The following EPB41L5 variants were observed in gnomAD, a reference collection of about 807,000 sequenced individuals.
EPB41L5 encodes band 4.1-like protein 5.
EPB41L5 carries 55 observed loss-of-function variants against 106.6 expected under a neutral mutation model. That is an observed-to-expected ratio of 0.52 (90% CI 0.42 to 0.65). The LOEUF (loss-of-function observed/expected upper bound fraction) is 0.65, where lower values mean the gene tolerates loss of function less well. EPB41L5 is among the 30% of genes least tolerant of loss of function. The pLI, the probability that EPB41L5 is intolerant of heterozygous loss-of-function variation, is 0.00. For missense variants in EPB41L5, 871 were observed against 882.1 expected (o/e 0.99, Z 0.16); for synonymous variants, 297 against 306.7 (o/e 0.97, Z 0.33).
intron 3 of EPB41L5, among the ~76,000 whole-genome samples, chr2:120,069,298 T>C (rs1269721793): frequency 2.6e-5 from 4 of 151,608 alleles, no homozygotes; most frequent in Non-Finnish European, 4.4e-5. Flanking sequence ...GCACCCAAAA[T>C]AGGAGCACCC....
Position 120,169,043 on chromosome 2 carries a change from C to CT in EPB41L5, c.2135+1039dup, listed in dbSNP as rs1687546054. Among the ~76,000 whole-genome samples the CT allele has an allele frequency of 3.3e-5, 5 of 152,100 alleles. No homozygotes were observed. In the South Asian group the frequency reaches 1.0e-3, roughly 32 times the overall value. ...ACAATAAAATGTGAGCTCTTAAGGA[C>CT]TTTCACATTAAAAATTACAGATGAA... On this transcript the variant is annotated intron_variant, in intron 24 of 24. Coordinates refer to ENST00000263713, the MANE Select transcript of EPB41L5 (RefSeq NM_020909.4).
At chr2:120,153,007 A>G (rs760246751) in intron 20 of EPB41L5, among the ~76,000 whole-genome samples, 4 of 152,032 alleles carry the variant, frequency 2.6e-5, no homozygotes, top group South Asian at 2.1e-4. Context: ...ATATTTGTCA[A>G]TCTTGTTGAT....
At chr2:120,123,083 A>G (rs1409418077) in intron 16 of EPB41L5, among the ~76,000 whole-genome samples, 2 of 152,026 alleles carry the variant, frequency 1.3e-5, no homozygotes, top group Admixed American at 6.6e-5. Context: ...TGAGCCCAGG[A>G]TATGGTGGTC....
At position 120,151,480 on chromosome 2, in the gene EPB41L5, A is replaced by G. The variant is rs565238284; in HGVS notation, c.1793+5191A>G. 2.0e-5 allele frequency among the ~76,000 whole-genome samples: 3 copies of G among 152,292 alleles called. No individual in the cohort carries two copies. In the South Asian group the frequency reaches 6.2e-4, roughly 32 times the overall value. ...AACAGCATAAAAGATTTAAAAACCTAGGAAACAATTTAACCAAGGAGGCAA... is the reference window on the plus strand; with the variant it reads ...AACAGCATAAAAGATTTAAAAACCTGGGAAACAATTTAACCAAGGAGGCAA... On this transcript the variant is annotated intron_variant, in intron 20 of 24. Coordinates refer to ENST00000263713, the MANE Select transcript of EPB41L5 (RefSeq NM_020909.4).
chr2:120,146,277 C>T lies in EPB41L5; in HGVS notation c.1781C>T (p.Ala594Val), dbSNP rs1686399816. Residue 594 changes from alanine to valine, a missense_variant, in exon 20 of 25, where the codon GCT becomes GTT. Coordinates refer to ENST00000263713, the MANE Select transcript of EPB41L5 (RefSeq NM_020909.4). ...CATAAAAATGCCAATGTTCAGGATG[C>T]TGCCACAAACAGGTACAGTTCTGGG... ...LSHKNANVQD[A>V]ATNSAVLNEN... 1.2e-6 allele frequency: 2 copies of T among 1,608,290 alleles called. No homozygotes were observed. Among genetic ancestry groups the T allele is most frequent in the Admixed American group, 1.7e-5 (1 of 59,952 alleles).
At chr2:120,018,807 C>T (rs1236967134) in intron 1 of EPB41L5, among the ~76,000 whole-genome samples, 1 of 152,042 alleles carries the variant, frequency 6.6e-6, no homozygotes, top group Admixed American at 6.6e-5. Flanking sequence ...CACCACCACA[C>T]CTGGCTAATT....
chr2:120,060,818 A>C (rs1680987288), intron 3 of EPB41L5, among the ~76,000 whole-genome samples: 1 of 152,156 alleles, frequency 6.6e-6, no homozygotes, highest in Non-Finnish European at 1.5e-5. Context: ...GCATTGGCAG[A>C]AGTGTACACA....
chr2:120,040,955 G>T (rs768066566), intron 2 of EPB41L5, among the ~76,000 whole-genome samples: 1 of 152,004 alleles, frequency 6.6e-6, no homozygotes, highest in Non-Finnish European at 1.5e-5. Context: ...GATGGGAGAG[G>T]CATGGATGAG....
At chr2:120,083,922 C>T (rs1331250353) in intron 10 of EPB41L5, among the ~76,000 whole-genome samples, 1 of 152,074 alleles carries the variant, frequency 6.6e-6, no homozygotes, top group Non-Finnish European at 1.5e-5. Flanking sequence ...AGGATTGCAA[C>T]CTCTGCCTTT....
intron 3 of EPB41L5, among the ~76,000 whole-genome samples, chr2:120,049,897 G>C (rs1194488572): frequency 2.6e-5 from 4 of 152,130 alleles, no homozygotes; most frequent in East Asian, 1.9e-4. Context: ...TGTCTGTAAA[G>C]GATTTTATTT....
chr2:120,038,500 G>C (rs1221859133), intron 2 of EPB41L5, among the ~76,000 whole-genome samples: 1 of 152,198 alleles, frequency 6.6e-6, no homozygotes, highest in African/African-American at 2.4e-5. Context: ...ACGGCTGGGT[G>C]CAGTGGCTCA....
At chr2:120,027,649 C>A (rs562837814) in intron 2 of EPB41L5, among the ~76,000 whole-genome samples, 3 of 152,202 alleles carry the variant, frequency 2.0e-5, no homozygotes, top group African/African-American at 7.2e-5. Flanking sequence ...AAGTGATGCA[C>A]CACTCACCTC....
intron 21 of EPB41L5, among the ~76,000 whole-genome samples, chr2:120,162,079 C>A (rs1329497124): frequency 1.3e-5 from 2 of 152,212 alleles, no homozygotes; most frequent in Non-Finnish European, 2.9e-5. Context: ...ATTCTACTAC[C>A]TTGGCCTCGC....
chr2:120,094,946 T>G (rs1253738424), intron 14 of EPB41L5, among the ~76,000 whole-genome samples: 1 of 152,180 alleles, frequency 6.6e-6, no homozygotes, highest in Non-Finnish European at 1.5e-5. Context: ...TATTGAGACT[T>G]TTTTTATGGC....
intron 17 of EPB41L5, among the ~76,000 whole-genome samples, chr2:120,129,834 G>C (rs966801316): frequency 1.3e-5 from 2 of 152,150 alleles, no homozygotes; most frequent in Non-Finnish European, 2.9e-5. Context: ...TTTTTTAACT[G>C]TTTATGCTGT....
chr2:120,018,105 C>T (rs1018536346), intron 1 of EPB41L5, among the ~76,000 whole-genome samples: 7 of 152,042 alleles, frequency 4.6e-5, no homozygotes, highest in South Asian at 2.1e-4. Flanking sequence ...GGACTACAGG[C>T]GCCTGCTACC....
chr2:120,029,458 A>C (rs541281687), intron 2 of EPB41L5, among the ~76,000 whole-genome samples: 335 of 152,278 alleles, frequency 2.2e-3, no homozygotes, highest in African/African-American at 7.3e-3. Flanking sequence ...AACCTCCCAA[A>C]GTGCTGGGAT....
intron 10 of EPB41L5, among the ~76,000 whole-genome samples, chr2:120,083,489 C>A (rs1332792769): frequency 6.6e-6 from 1 of 152,086 alleles, no homozygotes; most frequent in Admixed American, 6.5e-5. Context: ...AATTTCTGTT[C>A]TTTTACATTT....
chr2:120,116,693 A>AT (rs968596687), intron 16 of EPB41L5, among the ~76,000 whole-genome samples: 38 of 150,640 alleles, frequency 2.5e-4, no homozygotes, highest in African/African-American at 7.8e-4. Context: ...TAATTTTTTT[A>AT]TTTTTTTTTA....
Sources: gnomAD v4.1 joint callset for allele counts (sites outside exome capture counted in the v4.1 genomes callset) on GRCh38, gnomAD v4.1.1 for gene constraint, MANE v1.5 for transcripts, NCBI Gene and HGNC (gene_info 2026-07-23, HGNC 2026-07-21) for gene names.